Variants in TMEM150B observed in about 807,000 individuals in gnomAD.
The protein encoded by TMEM150B is transmembrane protein 150B.
TMEM150B carries 33 observed loss-of-function variants against 25.2 expected under a neutral mutation model. The ratio of observed to expected loss-of-function variants is 1.31; its 90% CI spans 0.99 to 1.75. The LOEUF is 1.75. Among genes scored for constraint, TMEM150B ranks in the 40% most tolerant of loss-of-function variants. The pLI is 0.00. For synonymous variants in TMEM150B, 133 were observed against 134.8 expected, an observed-to-expected ratio of 0.99 and a Z score of 0.09; for missense variants, 322 against 306.1, an observed-to-expected ratio of 1.05 and a Z score of -0.39.
chr19:55,319,144 T>G (rs2089106434), intron 6 of TMEM150B, among the ~76,000 whole-genome samples: 1 of 151,724 alleles, frequency 6.6e-6, no homozygotes, highest in Non-Finnish European at 1.5e-5. Context: ...TGAGTCTCAC[T>G]CTTGCAGCCC....
At chr19:55,312,157 TGTC>T (rs912779069), downstream of TMEM150B, 2 of 595,118 alleles carry the variant, frequency 3.4e-6, no homozygotes, top group Non-Finnish European at 5.6e-6. Flanking sequence ...CCAAGGAACA[TGTC>T]GGGAGGGGGG....
intron 6 of TMEM150B, 185 bp downstream of exon 6, chr19:55,319,854 T>C: frequency 7.0e-7 from 1 of 1,425,180 alleles, no homozygotes; most frequent in Non-Finnish European, 9.2e-7. Context: ...TCGCTCGTAG[T>C]GCCCCACTCA....
At chr19:55,310,303 C>T (rs76158884), downstream of TMEM150B, among the ~76,000 whole-genome samples, 336 of 152,278 alleles carry the variant, frequency 2.2e-3, 4 homozygotes, top group East Asian at 0.045. This position sits in a 1 kb window ranked among gnomAD's most constrained non-coding sequence, Gnocchi z 5.0. Context: ...TTCCTAGGCG[C>T]TCTGGTTAAG....
At chr19:55,310,114 G>A (rs553353701), downstream of TMEM150B, among the ~76,000 whole-genome samples, 1 of 152,348 alleles carries the variant, frequency 6.6e-6, no homozygotes, top group South Asian at 2.1e-4. The surrounding 1 kb of genome is among the most constrained non-coding windows in gnomAD (Gnocchi z 5.0). Flanking sequence ...TTCACCCCGT[G>A]TTTGTTTTCT....
chr19:55,320,550 A>C lies in TMEM150B; in HGVS notation c.128+8T>G. ...TCCCCCCAAATCCCTACCCTCGGGC[A>C]GAATTACCTGATGTAGGGAAAGCCT... On this transcript the variant is annotated splice_region_variant and intron_variant, in intron 4 of 7. Coordinates refer to ENST00000326652, the MANE Select transcript of TMEM150B (RefSeq NM_001282011.2). 1 of 1,614,046 alleles carries C rather than the reference A, an allele frequency of 6.2e-7. No individual in the cohort carries two copies. Among genetic ancestry groups the C allele is most frequent in the Non-Finnish European group, 8.5e-7 (1 of 1,179,930 alleles).
chr19:55,320,675 A>C (rs1398472669), intron 3 of TMEM150B, 58 bp from the exon 4 acceptor site: 1 of 1,603,518 alleles, frequency 6.2e-7, no homozygotes, highest in Non-Finnish European at 8.5e-7. Context: ...CCTTCTGTTA[A>C]CCAAACAAAC....
intron 6 of TMEM150B, among the ~76,000 whole-genome samples, chr19:55,318,612 G>C (rs974882148): frequency 1.3e-5 from 2 of 152,004 alleles, no homozygotes; most frequent in Non-Finnish European, 2.9e-5. Context: ...CTCCAGCCTG[G>C]GTGACAGAGC....
chr19:55,325,041 C>G (rs2089298289), intron 1 of TMEM150B, among the ~76,000 whole-genome samples: 1 of 152,228 alleles, frequency 6.6e-6, no homozygotes. Flanking sequence ...TCCCACTTCT[C>G]TTCCAAAAAC....
intron 6 of TMEM150B, among the ~76,000 whole-genome samples, chr19:55,317,496 A>G (rs892436969): frequency 6.6e-6 from 1 of 151,862 alleles, no homozygotes; most frequent in Non-Finnish European, 1.5e-5. Flanking sequence ...AAATACAAAT[A>G]TTGCCAGGCA....
chr19:55,320,678 A>T (rs2089178415), intron 3 of TMEM150B, 61 bp from the exon 4 acceptor site: 2 of 1,601,628 alleles, frequency 1.2e-6, no homozygotes, highest in Non-Finnish European at 1.7e-6. Flanking sequence ...TCTGTTAACC[A>T]AACAAACAAG....
intron 6 of TMEM150B, chr19:55,319,639 T>C (rs967426679): frequency 2.1e-5 from 12 of 570,932 alleles, no homozygotes; most frequent in Non-Finnish European, 2.5e-5. Context: ...AGAGACGGGG[T>C]TTCACCATGT....
At chr19:55,322,172 C>T (rs1411318379) in intron 2 of TMEM150B, among the ~76,000 whole-genome samples, 3 of 152,150 alleles carry the variant, frequency 2.0e-5, no homozygotes, top group Non-Finnish European at 4.4e-5. Context: ...GTCCCTCAGC[C>T]CCTCCTCCCT....
At chr19:55,319,965 G>A (rs761785218) in intron 6 of TMEM150B, 74 bp downstream of exon 6, 1 of 1,606,334 alleles carries the variant, frequency 6.2e-7, no homozygotes, top group Non-Finnish European at 8.5e-7. Flanking sequence ...ATAAGCCTAT[G>A]GCCACGGGGC....
chr19:55,324,300 C>T (rs1305388621), intron 1 of TMEM150B, among the ~76,000 whole-genome samples: 26 of 150,150 alleles, frequency 1.7e-4, no homozygotes, highest in Non-Finnish European at 2.8e-4. Context: ...GTCAGGAGAT[C>T]GAGACCAGCC....
At chr19:55,322,432 T>C (rs1333017616) in intron 2 of TMEM150B, among the ~76,000 whole-genome samples, 5 of 152,076 alleles carry the variant, frequency 3.3e-5, no homozygotes, top group African/African-American at 1.2e-4. Context: ...TGCATGAGAT[T>C]GTGGCCACGG....
At chr19:55,324,187 A>G (rs1337014028) in intron 1 of TMEM150B, among the ~76,000 whole-genome samples, 1 of 151,640 alleles carries the variant, frequency 6.6e-6, no homozygotes, top group Admixed American at 6.6e-5. Flanking sequence ...TCATTCCTTT[A>G]TTTTTTATTT....
chr19:55,312,095 C>G, downstream of TMEM150B: 3 of 1,039,062 alleles, frequency 2.9e-6, no homozygotes, highest in Non-Finnish European at 4.0e-6. Context: ...AGGGAGGGGA[C>G]CCCCCTCCAC....
At chr19:55,323,799 A>C (rs2089266527) in intron 1 of TMEM150B, among the ~76,000 whole-genome samples, 1 of 128,452 alleles carries the variant, frequency 7.8e-6, no homozygotes, top group Non-Finnish European at 1.6e-5. Context: ...CACTGCGCCC[A>C]ACCTTTTTTT....
At chr19:55,323,697 T>A (rs1374717758) in intron 1 of TMEM150B, among the ~76,000 whole-genome samples, 1 of 151,376 alleles carries the variant, frequency 6.6e-6, no homozygotes, top group Non-Finnish European at 1.5e-5. Context: ...GAGATGGGGT[T>A]TCACCATGTT....
Sources: gnomAD v4.1 joint callset for allele counts (sites outside exome capture counted in the v4.1 genomes callset) on GRCh38, gnomAD v4.1.1 for gene constraint, Gnocchi (gnomAD v3.1) non-coding constraint, MANE v1.5 for transcripts, NCBI Gene and HGNC (gene_info 2026-07-23, HGNC 2026-07-21) for gene names.